BRINP3: variants seen among roughly 807,000 people sequenced by gnomAD.
BRINP3 encodes the protein BMP/retinoic acid-inducible neural-specific protein 3.
In BRINP3, 19 loss-of-function variants were observed where a neutral mutation model predicts 71.0. The observed-to-expected ratio is 0.27, with a 90% confidence interval of 0.19 to 0.39. The LOEUF is 0.39. Among genes scored for constraint, BRINP3 ranks in the 10% least tolerant of loss-of-function variants. The pLI, the probability that BRINP3 is intolerant of heterozygous loss-of-function variation, is 1.00. For missense variants in BRINP3, 959 were observed against 940.8 expected (o/e 1.02, Z -0.25); for synonymous variants, 380 against 337.7 (o/e 1.13, Z -1.37).
intron 6 of BRINP3, among the ~76,000 whole-genome samples, chr1:190,164,593 T>C (rs1031993350): frequency 6.6e-6 from 1 of 152,134 alleles, no homozygotes; most frequent in African/African-American, 2.4e-5. Flanking sequence ...ATTGATTTTT[T>C]ATTTATTATT....
chr1:190,238,893 G>A (rs1658786265), intron 4 of BRINP3, among the ~76,000 whole-genome samples: 1 of 152,056 alleles, frequency 6.6e-6, no homozygotes, highest in Non-Finnish European at 1.5e-5. Context: ...TTTTCATACT[G>A]GTATAAAGAT....
intron 7 of BRINP3, among the ~76,000 whole-genome samples, chr1:190,147,424 G>A (rs190554019): frequency 6.2e-4 from 95 of 152,092 alleles, no homozygotes; most frequent in South Asian, 3.1e-3. Flanking sequence ...TGTTTAATAA[G>A]TAACATTTTC....
Position 190,300,779 on chromosome 1 carries a change from T to A in BRINP3, c.237-19029A>T, listed in dbSNP as rs927563083. 1.4e-4 allele frequency among the ~76,000 whole-genome samples: 21 copies of A among 152,044 alleles called. No homozygotes were observed. The East Asian group carries it at 2.3e-3, about 17-fold the overall frequency. The stretch of plus-strand genomic sequence containing the variant: ...ATCCACACCAAAAACCCATCTGTAC[T>A]TCACCATCATCAAAGACCAAAAGTA... On this transcript the variant is annotated intron_variant, in intron 2 of 7. Transcript: ENST00000367462.
chr1:190,148,386 G>A (rs1453043033), intron 7 of BRINP3, among the ~76,000 whole-genome samples: 2 of 151,844 alleles, frequency 1.3e-5, no homozygotes, highest in Non-Finnish European at 2.9e-5. Context: ...GAGGTCAGGA[G>A]ATCGAAACCA....
At chr1:190,401,846 T>C (rs912510889) in intron 2 of BRINP3, among the ~76,000 whole-genome samples, 3 of 152,132 alleles carry the variant, frequency 2.0e-5, no homozygotes, top group African/African-American at 7.2e-5. Context: ...TTAATTATAA[T>C]GTACTTTTTG....
chr1:190,271,985 G>T (rs2102900285), intron 3 of BRINP3, among the ~76,000 whole-genome samples: 1 of 151,566 alleles, frequency 6.6e-6, no homozygotes, highest in South Asian at 2.1e-4. Flanking sequence ...TAAGGACATG[G>T]ATGATAATAC....
chr1:190,195,235 C>T (rs1571327426), intron 6 of BRINP3, among the ~76,000 whole-genome samples: 1 of 151,434 alleles, frequency 6.6e-6, no homozygotes, highest in East Asian at 2.0e-4. Flanking sequence ...AAAGTAAGAC[C>T]AATTTTTATA....
intron 7 of BRINP3, among the ~76,000 whole-genome samples, chr1:190,121,443 T>TA (rs1372498403): frequency 7.9e-5 from 12 of 152,136 alleles, no homozygotes; most frequent in African/African-American, 2.9e-4. Context: ...TACATAGTGA[T>TA]AAAAATCAAA....
At chr1:190,345,705 T>C (rs1051382088) in intron 2 of BRINP3, among the ~76,000 whole-genome samples, 2 of 136,458 alleles carry the variant, frequency 1.5e-5, no homozygotes, top group African/African-American at 2.8e-5. Context: ...CAAATAGCCA[T>C]TTACCTTCAG....
chr1:190,112,934 G>A (rs1342530863), intron 7 of BRINP3, among the ~76,000 whole-genome samples: 1 of 152,080 alleles, frequency 6.6e-6, no homozygotes, highest in Non-Finnish European at 1.5e-5. Context: ...AAATGATGTA[G>A]TTCTTTTTCT....
At chr1:190,174,759 G>A (rs1018469516) in intron 6 of BRINP3, among the ~76,000 whole-genome samples, 2 of 150,438 alleles carry the variant, frequency 1.3e-5, no homozygotes, top group African/African-American at 4.9e-5. Context: ...ATAATAAAGA[G>A]AAAATCATAT....
At chr1:190,205,431 T>C (rs1245559730) in intron 6 of BRINP3, among the ~76,000 whole-genome samples, 1 of 152,090 alleles carries the variant, frequency 6.6e-6, no homozygotes, top group African/African-American at 2.4e-5. Flanking sequence ...CTATAGAGGA[T>C]GAATAAGCTT....
chr1:190,363,301 C>T (rs753820401), intron 2 of BRINP3, among the ~76,000 whole-genome samples: 4 of 152,150 alleles, frequency 2.6e-5, no homozygotes, highest in Non-Finnish European at 4.4e-5. Flanking sequence ...CTAGTCAACA[C>T]CTTGATGCTA....
At chr1:190,477,248 G>A (rs1476769036) in intron 1 of BRINP3, among the ~76,000 whole-genome samples, 200 bp downstream of exon 1, 1 of 152,076 alleles carries the variant, frequency 6.6e-6, no homozygotes, top group African/African-American at 2.4e-5. Context: ...GTAATACATG[G>A]GATATTGGGG....
chr1:190,407,465 G>A (rs775987523), intron 2 of BRINP3, among the ~76,000 whole-genome samples: 25 of 152,024 alleles, frequency 1.6e-4, no homozygotes, highest in Non-Finnish European at 3.4e-4. Context: ...TCCTTATACA[G>A]TCAGTCAATG....
chr1:190,409,389 C>A (rs1184041225), intron 2 of BRINP3, among the ~76,000 whole-genome samples: 1 of 152,048 alleles, frequency 6.6e-6, no homozygotes, highest in East Asian at 1.9e-4. Flanking sequence ...TAGAAAAACA[C>A]ACAAAAAAAG....
chr1:190,230,120 G>T (rs1657821818), intron 5 of BRINP3, among the ~76,000 whole-genome samples: 2 of 151,684 alleles, frequency 1.3e-5, no homozygotes, highest in Admixed American at 6.6e-5. Flanking sequence ...CGTTTAAAAG[G>T]AATAAAAGGG....
At chr1:190,309,412 G>C (rs1246665505) in intron 2 of BRINP3, among the ~76,000 whole-genome samples, 1 of 151,696 alleles carries the variant, frequency 6.6e-6, no homozygotes, top group Non-Finnish European at 1.5e-5. Flanking sequence ...TAATACAATT[G>C]ACATATACAC....
At chr1:190,225,333 G>A (rs530118178) in intron 6 of BRINP3, among the ~76,000 whole-genome samples, 25 of 151,742 alleles carry the variant, frequency 1.6e-4, no homozygotes, top group Non-Finnish European at 3.4e-4. Context: ...CAACATGGAT[G>A]GAACAAGAGG....
Sources: gnomAD v4.1 joint callset for allele counts (sites outside exome capture counted in the v4.1 genomes callset) on GRCh38, gnomAD v4.1.1 for gene constraint, MANE v1.5 for transcripts, NCBI Gene and HGNC (gene_info 2026-07-23, HGNC 2026-07-21) for gene names.